The following ANK3 variants were observed in gnomAD, a reference collection of about 807,000 sequenced individuals.
ANK3 encodes ankyrin 3.
Under a neutral mutation model 370.9 loss-of-function variants are expected in ANK3, and 57 were observed. The observed-to-expected ratio is 0.15, with a 90% CI of 0.12 to 0.19. The LOEUF is 0.19. Among genes scored for constraint, ANK3 ranks in the 10% least tolerant of loss-of-function variants. The pLI is 1.00. For missense variants in ANK3, 4,439 were observed against 5,302.1 expected (o/e 0.84, Z 5.06); for synonymous variants, 1,929 against 1,946.3 (o/e 0.99, Z 0.23).
At chr10:60,508,364 G>A (rs924752190) in intron 2 of ANK3, 1 of 152,604 alleles carries the variant, frequency 6.6e-6, no homozygotes, top group Non-Finnish European at 1.5e-5. Flanking sequence ...GGGTAGAGAT[G>A]CTTACTAAAC....
At chr10:60,361,831 A>T (rs890380176) in intron 1 of ANK3, among the ~76,000 whole-genome samples, 6 of 152,150 alleles carry the variant, frequency 3.9e-5, no homozygotes, top group African/African-American at 1.4e-4. Flanking sequence ...TTTTGTACAT[A>T]GTTCTTCAGA....
At chr10:60,082,931 C>G (rs762543035) in intron 33 of ANK3, among the ~76,000 whole-genome samples, 194 bp from the exon 34 acceptor site, 8 of 152,176 alleles carry the variant, frequency 5.3e-5, no homozygotes, top group Admixed American at 2.6e-4. Flanking sequence ...ATGCCCGATT[C>G]CTAAACGCAG....
intron 2 of ANK3, among the ~76,000 whole-genome samples, chr10:60,519,652 A>AAAT (rs2076303641): frequency 6.6e-6 from 1 of 152,158 alleles, no homozygotes; most frequent in Non-Finnish European, 1.5e-5. Flanking sequence ...TTCTAATTTC[A>AAAT]AATAAGTCAA....
chr10:60,031,473 T>A (rs924445330), intron 43 of ANK3, among the ~76,000 whole-genome samples: 4 of 152,234 alleles, frequency 2.6e-5, no homozygotes, highest in Non-Finnish European at 5.9e-5. Flanking sequence ...TCTTCCCATA[T>A]ATTGTCTCTC....
chr10:60,311,283 G>T (rs10509129), intron 1 of ANK3, among the ~76,000 whole-genome samples: 8,430 of 152,152 alleles, frequency 0.055, 389 homozygotes, highest in East Asian at 0.15. Flanking sequence ...GGGTACTGCC[G>T]AACTAGCCAT....
At chr10:60,393,121 A>G (rs970005959), upstream of ANK3, among the ~76,000 whole-genome samples, 38 of 152,362 alleles carry the variant, frequency 2.5e-4, no homozygotes, top group African/African-American at 9.1e-4. Flanking sequence ...AGCTGAAGAA[A>G]TCATTCTTCA....
chr10:60,552,613 A>G (rs1416953117), intron 2 of ANK3, among the ~76,000 whole-genome samples: 1 of 152,152 alleles, frequency 6.6e-6, no homozygotes, highest in African/African-American at 2.4e-5. Flanking sequence ...GTTTTTATGA[A>G]CCTAGTTTGC....
chr10:60,210,791 G>A (rs773583164), intron 9 of ANK3, among the ~76,000 whole-genome samples: 9 of 152,158 alleles, frequency 5.9e-5, no homozygotes, highest in Non-Finnish European at 8.8e-5. Context: ...TTTGAGTGTG[G>A]TAATTCATCC....
intron 1 of ANK3, among the ~76,000 whole-genome samples, chr10:60,638,626 A>G (rs1229962474): frequency 2.6e-5 from 4 of 152,282 alleles, no homozygotes; most frequent in Non-Finnish European, 5.9e-5. Context: ...TTAAAATATT[A>G]TAAATATTCT....
At chr10:60,187,390 C>T (rs1591463276) in intron 16 of ANK3, among the ~76,000 whole-genome samples, 1 of 152,026 alleles carries the variant, frequency 6.6e-6, no homozygotes. Flanking sequence ...CTCCTGACCT[C>T]GTGATCCACC....
chr10:60,388,598 A>T (rs2062757002), intron 1 of ANK3, among the ~76,000 whole-genome samples: 1 of 152,096 alleles, frequency 6.6e-6, no homozygotes, highest in Non-Finnish European at 1.5e-5. Flanking sequence ...AGTCATATTT[A>T]AGGGCACTCT....
At position 60,583,511 on chromosome 10, in the gene ANK3, G is replaced by GTTTTTTTTTTTTTTTTTTTTTTTTTTTTT. The variant is rs750384975; in HGVS notation, c.96+31674_96+31675insAAAAAAAAAAAAAAAAAAAAAAAAAAAAA. Among the ~76,000 whole-genome samples the GTTTTTTTTTTTTTTTTTTTTTTTTTTTTT allele has an allele frequency of 2.0e-5, 2 of 100,078 alleles. 1 individual carries two copies. 65.7% of individuals were successfully genotyped at this position (100,078 alleles called of 152,430 possible). ...CATATAGCTTACAGAGAGGTTTTTT[G>GTTTTTTTTTTTTTTTTTTTTTTTTTTTTT]TTTTTTGTTTTTTGTTTTTTTTTGA... On this transcript the variant is annotated intron_variant, in intron 2 of 43. Coordinates refer to the ANK3 transcript ENST00000373827.
At chr10:60,096,255 G>A (rs930249144) in intron 28 of ANK3, among the ~76,000 whole-genome samples, 4 of 152,106 alleles carry the variant, frequency 2.6e-5, no homozygotes, top group Non-Finnish European at 4.4e-5. Flanking sequence ...AATAAAGCCT[G>A]ATAATGTAAA....
At chr10:60,520,727 C>G (rs114782716) in intron 2 of ANK3, among the ~76,000 whole-genome samples, 2 of 152,168 alleles carry the variant, frequency 1.3e-5, no homozygotes, top group Non-Finnish European at 2.9e-5. Flanking sequence ...TGTTTCTGCC[C>G]ATTGTTGTCA....
chr10:60,123,825 C>T (rs1268911354), intron 25 of ANK3, among the ~76,000 whole-genome samples: 1 of 152,178 alleles, frequency 6.6e-6, no homozygotes, highest in African/African-American at 2.4e-5. Flanking sequence ...CTAGGAGCCA[C>T]AGAAAGTAAA....
chr10:60,372,961 T>A (rs1368493531), intron 1 of ANK3, among the ~76,000 whole-genome samples: 2 of 152,240 alleles, frequency 1.3e-5, no homozygotes, highest in African/African-American at 2.4e-5. Flanking sequence ...GAGTGATTGG[T>A]ATAAAAATAG....
intron 2 of ANK3, among the ~76,000 whole-genome samples, chr10:60,537,388 G>A (rs1363530362): frequency 6.6e-6 from 1 of 151,816 alleles, no homozygotes; most frequent in East Asian, 1.9e-4. Flanking sequence ...TTTTAAGATT[G>A]TTGTATGAAA....
chr10:60,728,949 T>C (rs996420668), intron 1 of ANK3, among the ~76,000 whole-genome samples: 5 of 152,204 alleles, frequency 3.3e-5, no homozygotes, highest in Admixed American at 2.0e-4. Flanking sequence ...TGGTTGTTAT[T>C]ATTACTAGAC....
At chr10:60,647,189 G>T (rs1323979148) in intron 1 of ANK3, among the ~76,000 whole-genome samples, 1 of 152,144 alleles carries the variant, frequency 6.6e-6, no homozygotes, top group Non-Finnish European at 1.5e-5. Context: ...CTAACCTTAA[G>T]GTGTTAGCTA....
Sources: allele counts gnomAD v4.1 joint callset (sites outside exome capture counted in the v4.1 genomes callset), GRCh38; gene constraint gnomAD v4.1.1; transcripts MANE v1.5; gene names NCBI Gene and HGNC (gene_info 2026-07-23, HGNC 2026-07-21).